ATG2A: variants seen among roughly 807,000 people sequenced by gnomAD.
ATG2A encodes the protein autophagy related 2A.
In ATG2A, 103 loss-of-function variants were observed where a neutral mutation model predicts 214.2. That is an observed-to-expected ratio of 0.48 (90% CI 0.41 to 0.57). ATG2A has a LOEUF of 0.57. Ranked by LOEUF, ATG2A falls within the 20% of genes least tolerant of loss-of-function variation. The pLI, the probability that ATG2A is intolerant of heterozygous loss-of-function variation, is 0.00. For synonymous variants in ATG2A, 1,160 were observed against 1,142.1 expected (o/e 1.02, Z -0.32); for missense variants, 2,312 against 2,613.2 (o/e 0.88, Z 2.51).
In ATG2A at chr11:64,911,634, G is replaced by C. The variant is rs376189199; in HGVS notation, c.1228+208C>G. 1.7e-3 allele frequency among the ~76,000 whole-genome samples: 264 copies of C among 152,302 alleles called. 1 individual carries two copies. Among genetic ancestry groups the C allele is most frequent in the African/African-American group, 6.2e-3 (256 of 41,554 alleles). On this transcript the variant is annotated intron_variant, in intron 9 of 40. Coordinates refer to ENST00000377264, the MANE Select transcript of ATG2A (RefSeq NM_015104.3). ...AAGCTGAGTCTCAGAGAGTTCAAGT[G>C]CTTGACTAAGATCAATGACTGAAAA...
chr11:64,913,886 G>A lies in ATG2A; in HGVS notation c.525C>T (p.Val175=), dbSNP rs146022898. The A allele has an allele frequency of 8.0e-5, 129 of 1,613,908 alleles. 1 individual carries two copies. The highest frequency in any genetic ancestry group is 9.0e-5 in the Non-Finnish European group (106 of 1,180,018). ...CACCCGGAGAGTGCTCCACCCTCAC[G>A]ACAGTGTCCAGGAAGGTCACTTTGA... ...RRIKVTFLDT[V]VRVEHSPGDG... is the part of the protein sequence containing the mutation. Residue 175 remains valine, a synonymous_variant, in exon 4 of 41, where the codon GTC becomes GTT. Coordinates refer to ENST00000377264, the MANE Select transcript of ATG2A (RefSeq NM_015104.3). This position sits in a 1 kb window ranked among gnomAD's most constrained non-coding sequence, Gnocchi z 4.3.
Position 64,902,517 on chromosome 11 carries a change from TTCTGGCCGGCGA to T in ATG2A, c.3764_3775del (p.Ile1255_Gln1258del). The T allele has an allele frequency of 6.5e-7, 1 of 1,544,580 alleles. No individual in the cohort carries two copies. Among genetic ancestry groups the T allele is most frequent in the Non-Finnish European group, 8.7e-7 (1 of 1,145,926 alleles). On this transcript the variant is annotated inframe_deletion and splice_region_variant, in exon 27 of 41. Transcript: ENST00000377264. ...TGTGTGGCCAGGCCTCACCTGTACC[TTCTGGCCGGCGA>T]TCTCCGTGGGGCTGGGGGGCCGGGG...
rs200801668 is a variant in ATG2A, at chr11:64,908,988, C to T, written c.2364+3G>A. Reference sequence around the variant, plus strand: ...CCTGGGAAGAGGTGGGGCCAAGTCTCACCTCCTCTGTCTCATACATGGTCC... The same window carrying T: ...CCTGGGAAGAGGTGGGGCCAAGTCTTACCTCCTCTGTCTCATACATGGTCC... On this transcript the variant is annotated splice_donor_region_variant and intron_variant, in intron 16 of 40. Transcript: ENST00000377264. The T allele has an allele frequency of 8.9e-4, 1,403 of 1,571,282 alleles. 1 individual carries two copies. The highest frequency in any genetic ancestry group is 1.1e-3 in the Non-Finnish European group (1,293 of 1,158,392).
Position 64,913,428 on chromosome 11 carries a change from C to A in ATG2A, c.591-27G>T. 2 of 1,540,240 alleles carry A rather than the reference C, an allele frequency of 1.3e-6. No homozygotes were observed. The highest frequency in any genetic ancestry group is 8.8e-7 in the Non-Finnish European group (1 of 1,139,924). ...TGGAGAGTGTAGGGTCAGCCCGTGCCCTGGCCACCCCAGGCCTGGAGCCCC... is the reference window on the plus strand; with the variant it reads ...TGGAGAGTGTAGGGTCAGCCCGTGCACTGGCCACCCCAGGCCTGGAGCCCC... On this transcript the variant is annotated intron_variant, in intron 4 of 40. Transcript: ENST00000377264. This position sits in a 1 kb window ranked among gnomAD's most constrained non-coding sequence, Gnocchi z 4.3.
At position 64,913,294 on chromosome 11, in the gene ATG2A, C is replaced by T. The variant is rs146599453; in HGVS notation, c.698G>A (p.Arg233His). The change falls in exon 5 of 41, where the codon CGC becomes CAC. Residue 233 changes from arginine (R) to histidine (H), a missense_variant. Arg to His is a conservative substitution (Grantham distance 29). Transcript: ENST00000377264. The surrounding 1 kb of genome is among the most constrained non-coding windows in gnomAD (Gnocchi z 4.3). ...LHKLLQLAGV[R>H]LHYEELPAQE... is the part of the protein sequence containing the mutation. ...TGCCGGGAGCTCCTCGTAGTGCAGG[C>T]GGACCCCTGCCAGCTGCAGCAGCTT... 1.1e-4 allele frequency: 181 copies of T among 1,610,288 alleles called. No individual in the cohort carries two copies. The African/African-American group carries it at 1.8e-3, about 16-fold the overall frequency.
Position 64,906,175 on chromosome 11 carries a change from G to A in ATG2A, c.3202C>T (p.Arg1068Trp), listed in dbSNP as rs372535056. 6.2e-6 allele frequency: 10 copies of A among 1,608,278 alleles called. No individual in the cohort carries two copies. Among genetic ancestry groups the A allele is most frequent in the African/African-American group, 4.0e-5 (3 of 74,858 alleles). ...KNVKEFLVTL[R>W]LHKATLRHYM... ...TGGCGCAAGGTGGCTTTGTGCAACC[G>A]CAGTGTCACCAGGAACTCCTGAGGG... Residue 1068 changes from arginine (R) to tryptophan (W), a missense_variant, in exon 22 of 41, where the codon CGG becomes TGG. By Grantham distance (101) the Arg-to-Trp change is moderately radical (BLOSUM62 -3). Coordinates refer to ENST00000377264, the MANE Select transcript of ATG2A (RefSeq NM_015104.3).
At chr11:64,908,229 C>T (rs1328572874) in intron 16 of ATG2A, among the ~76,000 whole-genome samples, 1 of 152,124 alleles carries the variant, frequency 6.6e-6, no homozygotes, top group Admixed American at 6.5e-5. Flanking sequence ...ACCAGCCTGG[C>T]CAACACGGTG....
rs574229883 is a variant in ATG2A at position 64,910,665 on chromosome 11, C to G, written c.1658G>C (p.Arg553Pro). The change falls in exon 12 of 41, where the codon CGG becomes CCG. Residue 553 changes from arginine to proline, a missense_variant. Physicochemically the swap from Arg to Pro is moderately radical, Grantham distance 103. Coordinates refer to ENST00000377264, the MANE Select transcript of ATG2A (RefSeq NM_015104.3). The part of the protein sequence containing the change: ...PGTLGSQASA[R>P]PCAHLRHTQI... Reference sequence around the variant, plus strand: ...TGTGTGGCGCAGATGGGCGCAGGGCCGAGCTGAGGCCTGGGAGCCCAGCGT... The same window carrying G: ...TGTGTGGCGCAGATGGGCGCAGGGCGGAGCTGAGGCCTGGGAGCCCAGCGT... The G allele has an allele frequency of 4.3e-6, 7 of 1,609,888 alleles. No homozygotes were observed. The East Asian group carries it at 1.6e-4, about 36-fold the overall frequency.
chr11:64,897,030 T>A, intron 37 of ATG2A, 161 bp from the exon 38 acceptor site: 1 of 1,100,400 alleles, frequency 9.1e-7, no homozygotes, highest in South Asian at 1.7e-5. Context: ...TGTCCTTTTT[T>A]TTTTTTTTTA....
chr11:64,895,018 G>A lies in ATG2A; in HGVS notation c.5772C>T (p.His1924=), dbSNP rs148233159. Reference sequence around the variant, plus strand: ...AGCGCCACTTGAGGGCGTGGTCCTTGTGGGCGTCGGGGACAATCTGGTTGC... The same window carrying A: ...AGCGCCACTTGAGGGCGTGGTCCTTATGGGCGTCGGGGACAATCTGGTTGC... The part of the protein sequence containing the change: ...GMRNQIVPDA[H]KDHALKWRSD... Residue 1924 remains histidine (H), a synonymous_variant, in exon 41 of 41, where the codon CAC becomes CAT. Coordinates refer to ENST00000377264, the MANE Select transcript of ATG2A (RefSeq NM_015104.3). This position sits in a 1 kb window ranked among gnomAD's most constrained non-coding sequence, Gnocchi z 5.0. The A allele has an allele frequency of 2.5e-5, 40 of 1,613,022 alleles. No individual in the cohort carries two copies. In the African/African-American group the frequency reaches 5.2e-4, roughly 21 times the overall value.
Position 64,902,025 on chromosome 11 carries a change from G to A in ATG2A, c.4056C>T (p.Gly1352=), listed in dbSNP as rs772651103. Residue 1352 remains glycine, a synonymous_variant, in exon 29 of 41, where the codon GGC becomes GGT. Coordinates refer to ENST00000377264, the MANE Select transcript of ATG2A (RefSeq NM_015104.3). ...EEKEDEREEE[G]DGDTLDSDEF... is the part of the protein sequence containing the mutation. ...CATCACTGTCCAGGGTGTCTCCATC[G>A]CCCTCCTCTTCCCTTTCATCTTCCT... is the stretch of plus-strand genomic sequence containing the variant. 149 of 1,613,842 alleles carry A rather than the reference G, an allele frequency of 9.2e-5. No homozygotes were observed. Among genetic ancestry groups the A allele is most frequent in the Middle Eastern group, 1.6e-4 (1 of 6,084 alleles).
Position 64,896,752 on chromosome 11 carries a change from C to T in ATG2A, c.5268G>A (p.Gln1756=). 6.2e-7 allele frequency: 1 copy of T among 1,614,236 alleles called. No homozygotes were observed. The highest frequency in any genetic ancestry group is 8.5e-7 in the Non-Finnish European group (1 of 1,180,040). Residue 1756 remains glutamine, a synonymous_variant, in exon 38 of 41, where the codon CAG becomes CAA. Transcript: ENST00000377264. ...CTTCCAAACCTAGACACTCACAGAG[C>T]TGGACAACCGAGTGCATGGGGCCCA... ...GGVGPMHSVV[Q]LFQGFRDLLW...
Position 64,902,178 on chromosome 11 carries a change from T to C in ATG2A, c.3905-2A>G. 1 of 1,612,798 alleles carries C rather than the reference T, an allele frequency of 6.2e-7. No individual in the cohort carries two copies. The highest frequency in any genetic ancestry group is 8.5e-7 in the Non-Finnish European group (1 of 1,179,958). On this transcript the variant is annotated splice_acceptor_variant, in intron 28 of 40. Transcript: ENST00000377264. LOFTEE classifies it high-confidence loss of function. ...GCGACGCCTGAGGGAGGTGGCCACC[T>C]ATAGGAGAGAGGCCAGTTTGGAGAG...
In ATG2A at chr11:64,907,646, G is replaced by A; in HGVS notation, c.2526C>T (p.Leu842=). Residue 842 remains leucine (L), a synonymous_variant, in exon 18 of 41, where the codon CTC becomes CTT. Coordinates refer to ENST00000377264, the MANE Select transcript of ATG2A (RefSeq NM_015104.3). ...GAAGCAGATCTGCAGGCTCCCACAT[G>A]AGCAGGTCGTTGTTGATCCTGAGAT... ...SIYNRINNDL[L]MWEPADLLPT... 13 of 1,598,944 alleles carry A rather than the reference G, an allele frequency of 8.1e-6. No individual in the cohort carries two copies. The highest frequency in any genetic ancestry group is 1.0e-5 in the Non-Finnish European group (12 of 1,172,478).
intron 2 of ATG2A, 50 bp downstream of exon 2, chr11:64,914,288 C>T: frequency 6.4e-7 from 1 of 1,557,486 alleles, no homozygotes; most frequent in Non-Finnish European, 8.7e-7. Context: ...TCCTGGACGC[C>T]CCAGCCCACT....
intron 26 of ATG2A, among the ~76,000 whole-genome samples, 173 bp from the exon 27 acceptor site, chr11:64,902,853 CTG>C (rs1414898175): frequency 6.6e-6 from 1 of 152,164 alleles, no homozygotes; most frequent in African/African-American, 2.4e-5. Flanking sequence ...GATGAACAAA[CTG>C]TTCACCCAGA....
chr11:64,899,107 G>A (rs867346380), intron 31 of ATG2A, among the ~76,000 whole-genome samples: 4 of 152,288 alleles, frequency 2.6e-5, no homozygotes, highest in African/African-American at 4.8e-5. Context: ...GTTTCACAAC[G>A]TTGGCCAGGC....
chr11:64,903,754 G>C lies in ATG2A; in HGVS notation c.3465-94C>G. 8.2e-7 allele frequency: 1 copy of C among 1,219,292 alleles called. No individual in the cohort carries two copies. Among genetic ancestry groups the C allele is most frequent in the Non-Finnish European group, 1.1e-6 (1 of 873,690 alleles). 75.5% of individuals were successfully genotyped at this position (1,219,292 alleles called of 1,614,324 possible). Reference sequence around the variant, plus strand: ...GAGGGGTCCCAAGCCCACAGGAGGTGGTATGGACAGGCCCCTCCAGCCTCA... The same window carrying C: ...GAGGGGTCCCAAGCCCACAGGAGGTCGTATGGACAGGCCCCTCCAGCCTCA... On this transcript the variant is annotated intron_variant, in intron 24 of 40. Coordinates refer to ENST00000377264, the MANE Select transcript of ATG2A (RefSeq NM_015104.3). The surrounding 1 kb of genome is among the most constrained non-coding windows in gnomAD (Gnocchi z 4.2).
rs1386092525 is a variant in ATG2A, at chr11:64,895,948, T to C, written c.5428-506A>G. Reference sequence around the variant, plus strand: ...TCCCACCTCCCCTGGAGCCCTGCCCTCTGTCCTGTTGGGGTCTGAGCTTGC... The same window carrying C: ...TCCCACCTCCCCTGGAGCCCTGCCCCCTGTCCTGTTGGGGTCTGAGCTTGC... On this transcript the variant is annotated intron_variant, in intron 39 of 40. Coordinates refer to ENST00000377264, the MANE Select transcript of ATG2A (RefSeq NM_015104.3). The surrounding 1 kb of genome is among the most constrained non-coding windows in gnomAD (Gnocchi z 5.0). Among the ~76,000 whole-genome samples the C allele has an allele frequency of 6.6e-6, 1 of 152,120 alleles. No individual in the cohort carries two copies.
Sources: gnomAD v4.1 joint callset for allele counts (sites outside exome capture counted in the v4.1 genomes callset) on GRCh38, gnomAD v4.1.1 for gene constraint, Gnocchi (gnomAD v3.1) non-coding constraint, MANE v1.5 for transcripts, NCBI Gene and HGNC (gene_info 2026-07-23, HGNC 2026-07-21) for gene names.